The following REC114 variants were observed in gnomAD, a reference collection of about 807,000 sequenced individuals.
REC114 encodes the protein meiotic recombination protein REC114.
In REC114, 27 loss-of-function variants were observed where a neutral mutation model predicts 31.3. That is an observed-to-expected ratio of 0.86 (90% CI 0.64 to 1.19). REC114 has a LOEUF of 1.19. Ranked by LOEUF, REC114 falls within the 50% of genes most tolerant of loss-of-function variation. The pLI is 0.00. For synonymous variants in REC114, 134 were observed against 127.7 expected, an observed-to-expected ratio of 1.05 and a Z score of -0.33; for missense variants, 344 against 326.9, an observed-to-expected ratio of 1.05 and a Z score of -0.40.
intron 2 of REC114, among the ~76,000 whole-genome samples, chr15:73,513,502 T>A (rs1354409386): frequency 6.7e-6 from 1 of 149,070 alleles, no homozygotes; most frequent in Non-Finnish European, 1.5e-5. Flanking sequence ...CTGCGTTCCT[T>A]TGGAGGAGGA....
At chr15:73,550,276 AGTT>A (rs1332038828) in intron 3 of REC114, among the ~76,000 whole-genome samples, 3 of 152,076 alleles carry the variant, frequency 2.0e-5, no homozygotes, top group African/African-American at 4.8e-5. Context: ...AGTTTGATGT[AGTT>A]GACAGATTTT....
At position 73,467,005 on chromosome 15, in the gene REC114, T is replaced by C. The variant is rs148545925; in HGVS notation, c.160-6827T>C. Among the ~76,000 whole-genome samples, 408 of 152,344 alleles carry C rather than the reference T, an allele frequency of 2.7e-3. 2 individuals carry two copies. The highest frequency in any genetic ancestry group is 9.4e-3 in the African/African-American group (393 of 41,594). The stretch of plus-strand genomic sequence containing the variant: ...ATTAAGAACTTCATGTTAAGCAGTC[T>C]TCAGGTTTAAGAAAGCCTGGTGCAC... On this transcript the variant is annotated intron_variant, in intron 1 of 5. Transcript: ENST00000331090.
chr15:73,477,993 G>A (rs1451969101), intron 2 of REC114, among the ~76,000 whole-genome samples: 2 of 152,054 alleles, frequency 1.3e-5, no homozygotes, highest in Non-Finnish European at 2.9e-5. Flanking sequence ...GCCGGGCGTG[G>A]TGGCTCACGC....
At chr15:73,444,182 C>T (rs1424552290) in intron 1 of REC114, among the ~76,000 whole-genome samples, 1 of 152,160 alleles carries the variant, frequency 6.6e-6, no homozygotes, top group South Asian at 2.1e-4. Context: ...GTGGTGGTTT[C>T]CCAAGATTGG....
chr15:73,449,851 C>A (rs1892819169), intron 1 of REC114, among the ~76,000 whole-genome samples: 1 of 152,190 alleles, frequency 6.6e-6, no homozygotes, highest in African/African-American at 2.4e-5. Flanking sequence ...ATTCAATATT[C>A]TTAAAGAGAA....
At chr15:73,496,266 T>C (rs1269014760) in intron 2 of REC114, among the ~76,000 whole-genome samples, 2 of 141,458 alleles carry the variant, frequency 1.4e-5, no homozygotes, top group Admixed American at 1.5e-4. Context: ...GCAGGAGAAA[T>C]GCTTGAACCC....
intron 2 of REC114, among the ~76,000 whole-genome samples, chr15:73,500,352 C>CAAAAA (rs34228065): frequency 6.5e-5 from 9 of 137,984 alleles, no homozygotes; most frequent in African/African-American, 8.4e-5. Flanking sequence ...ACAGAAATAG[C>CAAAAA]AAAAAAAAAA....
At chr15:73,481,650 CTTTTTTTTTT>C (rs530704232) in intron 2 of REC114, among the ~76,000 whole-genome samples, 32 of 114,074 alleles carry the variant, frequency 2.8e-4, no homozygotes, top group African/African-American at 9.5e-4. Context: ...TCTTAACTCC[CTTTTTTTTTT>C]TTTTTTTTTT....
At chr15:73,524,517 A>G (rs530839057) in intron 2 of REC114, among the ~76,000 whole-genome samples, 1 of 152,340 alleles carries the variant, frequency 6.6e-6, no homozygotes, top group South Asian at 2.1e-4. Flanking sequence ...CTGAAAAATT[A>G]AAGTTGAACA....
rs1006680331 is a variant in REC114, at chr15:73,501,128, C to T, written c.249+27207C>T. ...TTTTTAGTACCTAGATAAGTGTATC[C>T]GTGTAAATGAGGTTATGGTATTTGA... On this transcript the variant is annotated intron_variant, in intron 2 of 5. Transcript: ENST00000331090. 3.9e-5 allele frequency among the ~76,000 whole-genome samples: 6 copies of T among 152,166 alleles called. No individual in the cohort carries two copies. In the East Asian group the frequency reaches 7.7e-4, roughly 20 times the overall value.
At chr15:73,513,696 ACC>A (rs1196956522) in intron 2 of REC114, among the ~76,000 whole-genome samples, 1 of 151,432 alleles carries the variant, frequency 6.6e-6, no homozygotes, top group Non-Finnish European at 1.5e-5. Context: ...CTGTTGGAAT[ACC>A]CTGCCTTGTG....
At chr15:73,480,319 T>G (rs1375294349) in intron 2 of REC114, among the ~76,000 whole-genome samples, 1 of 151,536 alleles carries the variant, frequency 6.6e-6, no homozygotes. Context: ...CACCCAGGCT[T>G]AATAATAAAT....
intron 5 of REC114, among the ~76,000 whole-genome samples, chr15:73,559,494 T>TAAA (rs1483248476): frequency 2.0e-5 from 3 of 152,204 alleles, no homozygotes; most frequent in African/African-American, 7.2e-5. Context: ...TGCAAACATT[T>TAAA]CATCAGTACA....
At chr15:73,447,738 C>T (rs1437522813) in intron 1 of REC114, among the ~76,000 whole-genome samples, 1 of 151,694 alleles carries the variant, frequency 6.6e-6, no homozygotes, top group East Asian at 1.9e-4. Context: ...ATCTGCAGCT[C>T]CCAGCAAGAT....
rs932057394 is a variant in REC114, at chr15:73,515,829, G to A, written c.250-24656G>A. Reference sequence around the variant, plus strand: ...AAATATCTGTTGTTTAAGCCACCCTGTCTCTGGTATTTGTTATGGCAGCTT... The same window carrying A: ...AAATATCTGTTGTTTAAGCCACCCTATCTCTGGTATTTGTTATGGCAGCTT... On this transcript the variant is annotated intron_variant, in intron 2 of 5. Transcript: ENST00000331090. Among the ~76,000 whole-genome samples, 8 of 152,270 alleles carry A rather than the reference G, an allele frequency of 5.3e-5. 1 individual carries two copies. Among genetic ancestry groups the A allele is most frequent in the Non-Finnish European group, 1.5e-5 (1 of 68,028 alleles).
At chr15:73,524,872 T>G (rs1266851508) in intron 2 of REC114, among the ~76,000 whole-genome samples, 1 of 152,230 alleles carries the variant, frequency 6.6e-6, no homozygotes, top group African/African-American at 2.4e-5. Context: ...GTTCTGGGAT[T>G]ACAGGCATGA....
intron 2 of REC114, among the ~76,000 whole-genome samples, chr15:73,504,583 G>C (rs112815280): frequency 6.6e-6 from 1 of 152,012 alleles, no homozygotes; most frequent in Non-Finnish European, 1.5e-5. Context: ...GGTTTCTTTA[G>C]GAGTAGTTAT....
intron 3 of REC114, among the ~76,000 whole-genome samples, chr15:73,544,410 T>C (rs1007035427): frequency 6.6e-6 from 1 of 152,212 alleles, no homozygotes; most frequent in Non-Finnish European, 1.5e-5. Flanking sequence ...AGTAAAATTT[T>C]CATTCCTTTT....
At chr15:73,449,142 T>C (rs111546859) in intron 1 of REC114, among the ~76,000 whole-genome samples, 2 of 152,028 alleles carry the variant, frequency 1.3e-5, no homozygotes, top group African/African-American at 4.8e-5. Context: ...GGATGGACAA[T>C]GAGTTTGATG....
Sources: gnomAD v4.1 joint callset for allele counts (sites outside exome capture counted in the v4.1 genomes callset) on GRCh38, gnomAD v4.1.1 for gene constraint, MANE v1.5 for transcripts, NCBI Gene and HGNC (gene_info 2026-07-23, HGNC 2026-07-21) for gene names.